Variants in ROBO2 observed in about 807,000 individuals in gnomAD.
The protein encoded by ROBO2 is roundabout homolog 2.
A neutral mutation model predicts 160.8 loss-of-function variants in ROBO2; 53 were observed. That is an observed-to-expected ratio of 0.33 (90% confidence interval 0.26 to 0.41). The LOEUF (loss-of-function observed/expected upper bound fraction) is 0.41. Among genes scored for constraint, ROBO2 ranks in the 10% least tolerant of loss-of-function variants. ROBO2 has a pLI of 1.00. For missense variants in ROBO2, 1,577 were observed against 1,722.4 expected (o/e 0.92, Z 1.49); for synonymous variants, 664 against 611.7 (o/e 1.09, Z -1.26).
chr3:77,229,639 C>G (rs939094684), intron 2 of ROBO2, among the ~76,000 whole-genome samples: 20 of 146,486 alleles, frequency 1.4e-4, no homozygotes, highest in Non-Finnish European at 1.3e-4. Context: ...CCAGCCCAGG[C>G]AACAGAGTAA....
chr3:76,880,458 T>C (rs182187016), intron 2 of ROBO2, among the ~76,000 whole-genome samples: 17 of 152,282 alleles, frequency 1.1e-4, no homozygotes, highest in Admixed American at 1.0e-3. Context: ...TAAAAAAGCA[T>C]GCTGTCCTGA....
intron 2 of ROBO2, among the ~76,000 whole-genome samples, chr3:77,464,085 A>G (rs2082517276): frequency 6.6e-6 from 1 of 152,186 alleles, no homozygotes; most frequent in African/African-American, 2.4e-5. Flanking sequence ...TTCAGGCTTC[A>G]TAACAAACCA....
intron 2 of ROBO2, among the ~76,000 whole-genome samples, chr3:76,708,841 A>G (rs2093226936): frequency 6.6e-6 from 1 of 152,162 alleles, no homozygotes; most frequent in South Asian, 2.1e-4. Flanking sequence ...TCTTCAAACA[A>G]TAGTAGTGGG....
At chr3:76,984,656 A>C (rs551848158) in intron 2 of ROBO2, among the ~76,000 whole-genome samples, 1 of 152,246 alleles carries the variant, frequency 6.6e-6, no homozygotes, top group East Asian at 1.9e-4. Flanking sequence ...CCCTGGATCT[A>C]AAACTAACAA....
chr3:77,381,538 A>G, intron 2 of ROBO2, among the ~76,000 whole-genome samples: 1 of 152,204 alleles, frequency 6.6e-6, no homozygotes, highest in East Asian at 1.9e-4. Flanking sequence ...CTAAACTTTC[A>G]GCATCCCTTC....
rs138521341 is a variant in ROBO2, at chr3:77,152,974, A to G, written c.388+54634A>G. On this transcript the variant is annotated intron_variant, in intron 2 of 25. Transcript: ENST00000461745. Reference sequence around the variant, plus strand: ...TGACAACCACTGATCTACTCTATCTATGGAATTGCCAATTCTGGACATTTT... The same window carrying G: ...TGACAACCACTGATCTACTCTATCTGTGGAATTGCCAATTCTGGACATTTT... Among the ~76,000 whole-genome samples the G allele has an allele frequency of 9.4e-3, 1,438 of 152,270 alleles. 12 individuals are homozygous for G. The highest frequency in any genetic ancestry group is 0.014 in the Non-Finnish European group (956 of 68,004).
chr3:76,745,677 A>G, intron 2 of ROBO2, among the ~76,000 whole-genome samples: 2 of 151,952 alleles, frequency 1.3e-5, no homozygotes, highest in South Asian at 2.1e-4. Context: ...ACAATTCTTT[A>G]TATATTGGAG....
At chr3:77,269,799 A>G (rs2059373581) in intron 2 of ROBO2, among the ~76,000 whole-genome samples, 1 of 152,134 alleles carries the variant, frequency 6.6e-6, no homozygotes. Flanking sequence ...AAGTCTCCAT[A>G]GTTTTCAGAA....
chr3:76,056,876 T>A lies in ROBO2; in HGVS notation c.109+119274T>A, dbSNP rs952075512. Among the ~76,000 whole-genome samples, 5 of 152,166 alleles carry A rather than the reference T, an allele frequency of 3.3e-5. No homozygotes were observed. In the East Asian group the frequency reaches 9.6e-4, roughly 29 times the overall value. On this transcript the variant is annotated intron_variant, in intron 2 of 26. Coordinates refer to the ROBO2 transcript ENST00000487694. ...TGTAGTAAATTGCAATTTTTGGACA[T>A]ATGTTAATAGTATGCAGTTTCAATC...
intron 2 of ROBO2, among the ~76,000 whole-genome samples, chr3:76,954,171 T>C (rs924592749): frequency 3.3e-5 from 5 of 152,198 alleles, no homozygotes; most frequent in African/African-American, 9.6e-5. Context: ...TCTTTCAATA[T>C]ATAAAACATA....
At chr3:77,089,023 C>A (rs999769343) in intron 1 of ROBO2, among the ~76,000 whole-genome samples, 1 of 152,200 alleles carries the variant, frequency 6.6e-6, no homozygotes, top group East Asian at 1.9e-4. Flanking sequence ...CTTCCACTTA[C>A]CTCAAGTTTG....
At chr3:76,292,509 C>T (rs1260202011) in intron 2 of ROBO2, among the ~76,000 whole-genome samples, 2 of 152,000 alleles carry the variant, frequency 1.3e-5, no homozygotes, top group Admixed American at 6.6e-5. Context: ...TCTATTCCAC[C>T]CATTCTATCC....
At chr3:76,227,208 C>T (rs1367710981) in intron 2 of ROBO2, among the ~76,000 whole-genome samples, 6 of 152,090 alleles carry the variant, frequency 3.9e-5, no homozygotes, top group Non-Finnish European at 7.4e-5. Context: ...AATTCTTAAC[C>T]CTTGATTCTG....
At chr3:76,758,496 C>G (rs1031574687) in intron 2 of ROBO2, among the ~76,000 whole-genome samples, 4 of 151,744 alleles carry the variant, frequency 2.6e-5, no homozygotes, top group African/African-American at 7.3e-5. Flanking sequence ...CAACTCTTTT[C>G]AAATAAGTGC....
intron 5 of ROBO2, among the ~76,000 whole-genome samples, chr3:77,507,655 A>T (rs886396455): frequency 8.5e-5 from 13 of 152,160 alleles, no homozygotes; most frequent in Admixed American, 4.6e-4. Context: ...CTAATAATGC[A>T]ATTTCTAGTC....
At chr3:77,442,666 A>G (rs1382028772) in intron 2 of ROBO2, among the ~76,000 whole-genome samples, 1 of 152,174 alleles carries the variant, frequency 6.6e-6, no homozygotes, top group Non-Finnish European at 1.5e-5. Flanking sequence ...GATGATGTGC[A>G]CTTACCCCAC....
chr3:77,276,678 G>C (rs1179440674), intron 2 of ROBO2, among the ~76,000 whole-genome samples: 2 of 152,142 alleles, frequency 1.3e-5, no homozygotes, highest in African/African-American at 4.8e-5. Flanking sequence ...CTTGGGCTCA[G>C]GAGTTCAAGA....
At chr3:76,833,711 A>T (rs1256708071) in intron 2 of ROBO2, among the ~76,000 whole-genome samples, 1 of 152,056 alleles carries the variant, frequency 6.6e-6, no homozygotes, top group Non-Finnish European at 1.5e-5. Context: ...ATCCTATTCT[A>T]TCCTCTCGTA....
intron 2 of ROBO2, among the ~76,000 whole-genome samples, chr3:76,944,090 A>C (rs1034999400): frequency 3.3e-5 from 5 of 152,330 alleles, no homozygotes; most frequent in Non-Finnish European, 7.4e-5. Context: ...TCAATACATC[A>C]ACAATTTAAC....
Sources: allele counts gnomAD v4.1 joint callset (sites outside exome capture counted in the v4.1 genomes callset), GRCh38; gene constraint gnomAD v4.1.1; transcripts MANE v1.5; gene names NCBI Gene and HGNC (gene_info 2026-07-23, HGNC 2026-07-21).